Variants in AAMDC observed in about 807,000 individuals in gnomAD.
AAMDC encodes the protein mth938 domain-containing protein.
In AAMDC, 16 loss-of-function variants were observed where a neutral mutation model predicts 15.5. That is an observed-to-expected ratio of 1.03 (90% confidence interval 0.70 to 1.57). AAMDC has a LOEUF of 1.57. AAMDC is among the 40% of genes most tolerant of loss of function. The pLI, the probability that AAMDC is intolerant of heterozygous loss-of-function variation, is 0.00. For synonymous variants in AAMDC, 51 were observed against 51.6 expected, an observed-to-expected ratio of 0.99 and a Z score of 0.05; for missense variants, 141 against 144.9, an observed-to-expected ratio of 0.97 and a Z score of 0.14.
At chr11:77,878,637 T>C in intron 5 of AAMDC, 1 of 616,402 alleles carries the variant, frequency 1.6e-6, no homozygotes, top group East Asian at 2.8e-5. Context: ...GTTTCACACC[T>C]GAGGAATAGC....
At chr11:77,834,091 G>T (rs1453336439) in intron 1 of AAMDC, among the ~76,000 whole-genome samples, 1 of 152,120 alleles carries the variant, frequency 6.6e-6, no homozygotes, top group Non-Finnish European at 1.5e-5. Flanking sequence ...GTTTTTTATG[G>T]TGCTTTAAAT....
intron 5 of AAMDC, among the ~76,000 whole-genome samples, chr11:77,883,123 AAC>A (rs1430773204): frequency 6.6e-6 from 1 of 151,930 alleles, no homozygotes; most frequent in African/African-American, 2.4e-5. Flanking sequence ...TGTGTTTAAA[AAC>A]ACAGAGTGAA....
chr11:77,901,224 A>G (rs537140879), downstream of AAMDC: 13 of 654,614 alleles, frequency 2.0e-5, no homozygotes, highest in African/African-American at 1.8e-4. Flanking sequence ...GAGAGACACA[A>G]TTGGATTTCC....
At chr11:77,892,068 G>A (rs1298536577) in intron 5 of AAMDC, among the ~76,000 whole-genome samples, 3 of 152,162 alleles carry the variant, frequency 2.0e-5, no homozygotes, top group African/African-American at 7.2e-5. Context: ...ATACTCTTAA[G>A]TGTTTTACAT....
At chr11:77,871,686 T>C (rs968952977) in intron 3 of AAMDC, among the ~76,000 whole-genome samples, 8 of 152,210 alleles carry the variant, frequency 5.3e-5, no homozygotes, top group African/African-American at 1.7e-4. Flanking sequence ...AGCCTAACAT[T>C]TCTTAGCTAG....
chr11:77,854,428 G>A (rs1007712955), intron 2 of AAMDC, among the ~76,000 whole-genome samples: 5 of 152,188 alleles, frequency 3.3e-5, no homozygotes, highest in Non-Finnish European at 7.3e-5. Flanking sequence ...GATACAATGG[G>A]GTTATAGGCA....
intron 2 of AAMDC, among the ~76,000 whole-genome samples, chr11:77,858,302 CTTTTTTTTTTTT>C (rs71473358): frequency 0.047 from 3,277 of 69,448 alleles, 83 homozygotes; most frequent in Non-Finnish European, 0.062. Flanking sequence ...TTAAGCAATT[CTTTTTTTTTTTT>C]TTTTTTTTTT....
At chr11:77,827,816 A>G (rs1949247940) in intron 1 of AAMDC, among the ~76,000 whole-genome samples, 1 of 152,236 alleles carries the variant, frequency 6.6e-6, no homozygotes, top group South Asian at 2.1e-4. Context: ...TTGGCATGGA[A>G]GAAGTAAAAC....
At chr11:77,874,401 G>C (rs1441912893), downstream of AAMDC, among the ~76,000 whole-genome samples, 1 of 149,468 alleles carries the variant, frequency 6.7e-6, no homozygotes, top group East Asian at 2.0e-4. Context: ...TCAAATGTAA[G>C]GTGAGACAGC....
chr11:77,888,193 C>T (rs1192088162), intron 5 of AAMDC, among the ~76,000 whole-genome samples: 1 of 152,184 alleles, frequency 6.6e-6, no homozygotes, highest in African/African-American at 2.4e-5. Context: ...CCTACAGTAA[C>T]CAGAACAGCA....
At chr11:77,827,103 CAAAA>C (rs10540717) in intron 1 of AAMDC, among the ~76,000 whole-genome samples, 1 of 144,074 alleles carries the variant, frequency 6.9e-6, no homozygotes, top group South Asian at 2.2e-4. Flanking sequence ...AAACTCGTCT[CAAAA>C]AAAAAAAAAA....
intron 5 of AAMDC, chr11:77,884,643 G>A (rs775985292): frequency 4.5e-6 from 1 of 220,666 alleles, no homozygotes. Context: ...GTCTTCCAAT[G>A]TTGAAACTGT....
chr11:77,879,990 G>C (rs1253461551), intron 5 of AAMDC, among the ~76,000 whole-genome samples: 1 of 152,126 alleles, frequency 6.6e-6, no homozygotes, highest in Non-Finnish European at 1.5e-5. Context: ...GCACACCTGG[G>C]TAAGAATTTG....
Position 77,821,180 on chromosome 11 carries a change from C to A in AAMDC, c.-80C>A, listed in dbSNP as rs944550716. ...GCAGATCCCGAAGCAGCGCTGGGAG[C>A]GTAAGTGCGGGCAGAGCACTGCGCC... On this transcript the variant is annotated 5_prime_UTR_variant, in exon 1 of 4. Transcript: ENST00000393427. 4 of 359,066 alleles carry A rather than the reference C, an allele frequency of 1.1e-5. No homozygotes were observed. Among genetic ancestry groups the A allele is most frequent in the South Asian group, 1.9e-4 (2 of 10,718 alleles). The allele number at this position is 359,066 out of a possible 1,614,324, so 22.2% of individuals were successfully genotyped here. A position where few individuals can be genotyped will look rare whatever the true frequency, so the allele number is the denominator to read the frequency against.
At chr11:77,859,332 C>T (rs1950776048) in intron 2 of AAMDC, among the ~76,000 whole-genome samples, 1 of 152,188 alleles carries the variant, frequency 6.6e-6, no homozygotes. Flanking sequence ...CCTTTCCTTT[C>T]CTTTCTGATG....
At chr11:77,835,968 A>G (rs1949664959) in intron 1 of AAMDC, among the ~76,000 whole-genome samples, 1 of 152,178 alleles carries the variant, frequency 6.6e-6, no homozygotes, top group Non-Finnish European at 1.5e-5. Context: ...AAGTGAATTG[A>G]AGAATACATG....
chr11:77,891,841 C>G, intron 5 of AAMDC: 1 of 1,610,990 alleles, frequency 6.2e-7, no homozygotes. Context: ...GATGAAATAC[C>G]TGGAGGAACA....
intron 5 of AAMDC, among the ~76,000 whole-genome samples, chr11:77,892,387 T>C (rs138114383): frequency 0.01 from 1,549 of 152,180 alleles, 31 homozygotes; most frequent in African/African-American, 0.034. Context: ...TCAAAAAATA[T>C]CTCACTGAGG....
downstream of AAMDC, chr11:77,877,087 C>T: frequency 1.4e-6 from 1 of 701,404 alleles, no homozygotes; most frequent in South Asian, 1.5e-5. Context: ...TGGAGTTAAT[C>T]ATTCTTCCCC....
Sources: allele counts gnomAD v4.1 joint callset (sites outside exome capture counted in the v4.1 genomes callset), GRCh38; gene constraint gnomAD v4.1.1; transcripts MANE v1.5; gene names NCBI Gene and HGNC (gene_info 2026-07-23, HGNC 2026-07-21).